Variants in CTH observed in about 807,000 individuals in gnomAD.
CTH encodes the protein cystathionase (cystathionine gamma-lyase).
CTH carries 41 observed loss-of-function variants against 50.6 expected under a neutral mutation model. The ratio of observed to expected loss-of-function variants is 0.81; its 90% CI spans 0.63 to 1.05. The LOEUF is 1.05. Among genes scored for constraint, CTH ranks in the 50% least tolerant of loss-of-function variants. CTH has a pLI of 0.00. For missense variants in CTH, 470 were observed against 492.6 expected (o/e 0.95, Z 0.43); for synonymous variants, 156 against 168.9 (o/e 0.92, Z 0.59).
At chr1:70,421,438 T>C (rs112606559) in intron 3 of CTH, 128 bp from the exon 4 acceptor site, 2 of 923,448 alleles carry the variant, frequency 2.2e-6, no homozygotes, top group Non-Finnish European at 1.7e-6. Context: ...CAAACTAGAA[T>C]TGCTTTTAGT....
chr1:70,424,577 A>G (rs111821146), intron 5 of CTH, among the ~76,000 whole-genome samples, 161 bp downstream of exon 5: 1 of 152,240 alleles, frequency 6.6e-6, no homozygotes, highest in African/African-American at 2.4e-5. Flanking sequence ...CTCTTCTACC[A>G]TTAGTTAATA....
At chr1:70,430,692 C>T (rs1406529147) in intron 7 of CTH, among the ~76,000 whole-genome samples, 1 of 151,710 alleles carries the variant, frequency 6.6e-6, no homozygotes, top group East Asian at 2.0e-4. Flanking sequence ...CAGGTGCCCA[C>T]CACCATGCCC....
At chr1:70,424,233 T>TG in intron 4 of CTH, 52 bp from the exon 5 acceptor site, 1 of 1,613,060 alleles carries the variant, frequency 6.2e-7, no homozygotes, top group Non-Finnish European at 8.5e-7. Context: ...ATGAGATGTA[T>TG]GTTTGTAAAG....
intron 1 of CTH, among the ~76,000 whole-genome samples, chr1:70,412,748 T>TA (rs1252784462): frequency 6.6e-6 from 1 of 152,230 alleles, no homozygotes; most frequent in Non-Finnish European, 1.5e-5. Flanking sequence ...GGGATAATAA[T>TA]AGTATCTACC....
chr1:70,438,887 TG>T, intron 11 of CTH, 61 bp downstream of exon 11: 1 of 1,604,736 alleles, frequency 6.2e-7, no homozygotes, highest in Admixed American at 1.7e-5. Flanking sequence ...ATCTTGGGCA[TG>T]GGGGGTCACT....
At chr1:70,413,320 G>A (rs1396929616) in intron 1 of CTH, among the ~76,000 whole-genome samples, 2 of 150,256 alleles carry the variant, frequency 1.3e-5, no homozygotes, top group Non-Finnish European at 2.9e-5. Context: ...CTGGAGTGCA[G>A]TGGTGCGATC....
At chr1:70,420,262 G>A (rs555266009) in intron 3 of CTH, among the ~76,000 whole-genome samples, 1 of 152,198 alleles carries the variant, frequency 6.6e-6, no homozygotes, top group South Asian at 2.1e-4. Flanking sequence ...AAAGTGCTAG[G>A]ATTACAGATG....
At chr1:70,428,660 A>G (rs1363899331) in intron 5 of CTH, among the ~76,000 whole-genome samples, 3 of 151,970 alleles carry the variant, frequency 2.0e-5, no homozygotes, top group Non-Finnish European at 4.4e-5. Flanking sequence ...CCCAGGCTGG[A>G]GTGCAGTGGT....
intron 3 of CTH, among the ~76,000 whole-genome samples, chr1:70,420,252 A>C (rs1432903103): frequency 6.6e-6 from 1 of 152,120 alleles, no homozygotes; most frequent in East Asian, 1.9e-4. Context: ...TCGGCCTCCC[A>C]AAGTGCTAGG....
chr1:70,422,818 G>T (rs1182659459), intron 4 of CTH, among the ~76,000 whole-genome samples: 1 of 151,910 alleles, frequency 6.6e-6, no homozygotes, highest in Non-Finnish European at 1.5e-5. Context: ...CACCTTGTTG[G>T]CCAGGCTGAT....
chr1:70,426,077 C>T (rs1293208907), intron 5 of CTH, among the ~76,000 whole-genome samples: 2 of 152,208 alleles, frequency 1.3e-5, no homozygotes, highest in Non-Finnish European at 2.9e-5. Flanking sequence ...CTAGCCCCCT[C>T]TGCATTTGTT....
At chr1:70,428,297 T>C (rs1318489627) in intron 5 of CTH, among the ~76,000 whole-genome samples, 1 of 151,862 alleles carries the variant, frequency 6.6e-6, no homozygotes, top group Non-Finnish European at 1.5e-5. Context: ...GAAGGAGGAA[T>C]AGAGGAATAA....
chr1:70,420,575 G>T (rs1316195351), intron 3 of CTH, among the ~76,000 whole-genome samples: 1 of 152,138 alleles, frequency 6.6e-6, no homozygotes, highest in African/African-American at 2.4e-5. Context: ...ACCTCCTGCT[G>T]TGTAGCTGGA....
intron 10 of CTH, among the ~76,000 whole-genome samples, chr1:70,435,586 G>A (rs1481928864): frequency 6.6e-6 from 1 of 151,694 alleles, no homozygotes; most frequent in Non-Finnish European, 1.5e-5. Flanking sequence ...ACTCCTCCAT[G>A]CCCTTGATTG....
At chr1:70,425,551 G>A (rs966828908) in intron 5 of CTH, among the ~76,000 whole-genome samples, 6 of 152,312 alleles carry the variant, frequency 3.9e-5, no homozygotes, top group African/African-American at 9.6e-5. Context: ...CCGAGACTGC[G>A]TAATTTATAA....
chr1:70,428,092 C>T (rs1684387515), intron 5 of CTH, among the ~76,000 whole-genome samples: 1 of 151,384 alleles, frequency 6.6e-6, no homozygotes, highest in Non-Finnish European at 1.5e-5. Context: ...ACAGGATTAA[C>T]CTAGAGGACA....
At position 70,411,605 on chromosome 1, in the gene CTH, C is replaced by A. The variant is rs769111889; in HGVS notation, c.168+22C>A. The A allele has an allele frequency of 2.0e-5, 32 of 1,610,292 alleles. No homozygotes were observed. In the East Asian group the frequency reaches 3.6e-4, roughly 18 times the overall value. ...CTCGGTGAGCTGGGTCTGTCTGGGG[C>A]TGTCCACAGTTGGGCGGTAAAAGAG... On this transcript the variant is annotated intron_variant, in intron 1 of 11. Coordinates refer to ENST00000370938, the MANE Select transcript of CTH (RefSeq NM_001902.6).
chr1:70,430,513 T>A, intron 7 of CTH, 119 bp downstream of exon 7: 1 of 625,740 alleles, frequency 1.6e-6, no homozygotes, highest in Non-Finnish European at 2.8e-6. Context: ...AAATGAAAAA[T>A]AGAGGAGAAA....
chr1:70,433,741 A>G, intron 8 of CTH, 87 bp from the exon 9 acceptor site: 1 of 1,582,470 alleles, frequency 6.3e-7, no homozygotes, highest in Non-Finnish European at 8.6e-7. Flanking sequence ...ATTTGCAGTT[A>G]AGTAGACAGT....
Sources: allele counts gnomAD v4.1 joint callset (sites outside exome capture counted in the v4.1 genomes callset), GRCh38; gene constraint gnomAD v4.1.1; transcripts MANE v1.5; gene names NCBI Gene and HGNC (gene_info 2026-07-23, HGNC 2026-07-21).